ZBTB20: variants seen among roughly 807,000 people sequenced by gnomAD.
ZBTB20 encodes the protein zinc finger and BTB domain-containing protein 20.
Under a neutral mutation model 56.9 loss-of-function variants are expected in ZBTB20, and 9 were observed. The ratio of observed to expected loss-of-function variants is 0.16; its 90% CI spans 0.10 to 0.28. The LOEUF (loss-of-function observed/expected upper bound fraction) is 0.28. Among genes scored for constraint, ZBTB20 ranks in the 10% least tolerant of loss-of-function variants. The probability of loss-of-function intolerance (pLI) is 1.00; values close to 1 mark genes in which losing one functional copy is unlikely to be tolerated. For missense variants in ZBTB20, 655 were observed against 1,003.0 expected, an observed-to-expected ratio of 0.65 and a Z score of 4.69; for synonymous variants, 417 against 420.7, an observed-to-expected ratio of 0.99 and a Z score of 0.11.
chr3:114,456,305 T>C (rs929450307), intron 7 of ZBTB20, among the ~76,000 whole-genome samples: 1 of 152,022 alleles, frequency 6.6e-6, no homozygotes, highest in East Asian at 1.9e-4. Context: ...AATATAATAT[T>C]GTAGAGGCCT....
At chr3:114,891,699 A>G (rs551809913) in intron 4 of ZBTB20, among the ~76,000 whole-genome samples, 19 of 152,372 alleles carry the variant, frequency 1.2e-4, no homozygotes, top group Non-Finnish European at 2.8e-4. Context: ...TACCTGCCAA[A>G]TAATAAAATG....
chr3:115,118,703 A>ATTTTTTTTT lies in ZBTB20; in HGVS notation c.-703+28507_-703+28515dup, dbSNP rs35607205. 5.0e-3 allele frequency among the ~76,000 whole-genome samples: 407 copies of ATTTTTTTTT among 82,218 alleles called. 23 individuals carry two copies. The highest frequency in any genetic ancestry group is 8.0e-3 in the Admixed American group (47 of 5,852). The allele number at this position is 82,218 out of a possible 152,430, so 53.9% of individuals were successfully genotyped here. On this transcript the variant is annotated intron_variant, in intron 1 of 11. Coordinates refer to ENST00000675478, the MANE Select transcript of ZBTB20 (RefSeq NM_001348800.3). Reference sequence around the variant, plus strand: ...GGACCTAAAACTTTACCTGGTACAAATTTTTTTTTTTTTTTTTTTTTTTTT... The same window carrying ATTTTTTTTT: ...GGACCTAAAACTTTACCTGGTACAAATTTTTTTTTTTTTTTTTTTTTTTTTTTTTTTTTT...
intron 6 of ZBTB20, among the ~76,000 whole-genome samples, chr3:114,527,852 C>G (rs889647332): frequency 1.3e-5 from 2 of 151,976 alleles, no homozygotes; most frequent in Admixed American, 6.6e-5. Flanking sequence ...AAATTTAGAA[C>G]AAATTATTTG....
Position 114,942,996 on chromosome 3 carries a change from T to C in ZBTB20, c.-456+31370A>G, listed in dbSNP as rs574167996. 6.7e-4 allele frequency among the ~76,000 whole-genome samples: 97 copies of C among 145,286 alleles called. 3 individuals carry two copies. The highest frequency in any genetic ancestry group is 6.0e-3 in the South Asian group (28 of 4,668). On this transcript the variant is annotated intron_variant, in intron 3 of 11. Transcript: ENST00000675478. ...ACCCCTAAAACATTTCCAGTTCCTC[T>C]TTCTTGGAGTGAGAAAATCAAAAGA...
chr3:114,346,003 T>C (rs1238281995), intron 11 of ZBTB20, among the ~76,000 whole-genome samples: 1 of 152,230 alleles, frequency 6.6e-6, no homozygotes, highest in East Asian at 1.9e-4. Flanking sequence ...CCCTTAACTC[T>C]TAGTTTCCTT....
chr3:114,806,287 G>A (rs914517958), intron 4 of ZBTB20, among the ~76,000 whole-genome samples: 4 of 151,776 alleles, frequency 2.6e-5, no homozygotes, highest in East Asian at 3.9e-4. Flanking sequence ...CCATTCTAGC[G>A]GGTGTGAAGT....
intron 2 of ZBTB20, among the ~76,000 whole-genome samples, chr3:115,052,008 C>A (rs1266761456): frequency 6.6e-6 from 1 of 151,970 alleles, no homozygotes; most frequent in Non-Finnish European, 1.5e-5. Flanking sequence ...GAAATTTGCA[C>A]CCATGATCTG....
chr3:114,461,287 ACAATCTCCT>A (rs1484819727), intron 7 of ZBTB20, among the ~76,000 whole-genome samples: 4 of 148,848 alleles, frequency 2.7e-5, no homozygotes, highest in African/African-American at 9.9e-5. Flanking sequence ...AACAAACAAA[ACAATCTCCT>A]CCCCCCCCCC....
intron 1 of ZBTB20, among the ~76,000 whole-genome samples, chr3:115,137,598 A>T (rs566657035): frequency 2.0e-5 from 3 of 152,186 alleles, no homozygotes; most frequent in African/African-American, 7.2e-5. Context: ...AAAAGTCTAG[A>T]CTGTATTCCA....
At chr3:114,479,065 TTGG>T (rs1211552142) in intron 7 of ZBTB20, among the ~76,000 whole-genome samples, 1 of 139,782 alleles carries the variant, frequency 7.2e-6, no homozygotes, top group Non-Finnish European at 1.5e-5. Context: ...TGTTCCTCTA[TTGG>T]GGGGGGGCCA....
chr3:114,553,510 A>G (rs576264532), intron 6 of ZBTB20, among the ~76,000 whole-genome samples: 2 of 152,222 alleles, frequency 1.3e-5, no homozygotes, highest in East Asian at 3.9e-4. Flanking sequence ...TTCTGATGCT[A>G]TAGAGATGAA....
intron 5 of ZBTB20, among the ~76,000 whole-genome samples, chr3:114,787,368 T>TATATATACACAAAC: frequency 9.4e-6 from 1 of 106,314 alleles, no homozygotes; most frequent in African/African-American, 4.5e-5. Flanking sequence ...TATATATATA[T>TATATATACACAAAC]ACACACACAC....
chr3:115,012,814 G>A (rs535043538), intron 2 of ZBTB20, among the ~76,000 whole-genome samples: 4 of 151,508 alleles, frequency 2.6e-5, no homozygotes, highest in Admixed American at 6.6e-5. Flanking sequence ...ACCATACGTC[G>A]GGTCACAAAA....
rs140665272 is a variant in ZBTB20 at position 114,957,569 on chromosome 3, T to C, written c.-456+16797A>G. ...ACAGCATTTCTCTACAGAAACACTA[T>C]TGGCTTTGTGACTGGGCAAATCTCT... On this transcript the variant is annotated intron_variant, in intron 3 of 11. Transcript: ENST00000675478. Among the ~76,000 whole-genome samples, 31 of 152,344 alleles carry C rather than the reference T, an allele frequency of 2.0e-4. No individual in the cohort carries two copies. The East Asian group carries it at 5.8e-3, about 28-fold the overall frequency.
At chr3:114,544,694 G>A (rs1488760846) in intron 6 of ZBTB20, among the ~76,000 whole-genome samples, 2 of 151,676 alleles carry the variant, frequency 1.3e-5, no homozygotes, top group Admixed American at 6.6e-5. Context: ...TTGTAGAGAT[G>A]GGGTTTTGCC....
At position 114,742,325 on chromosome 3, in the gene ZBTB20, A is replaced by C. The variant is rs895395793; in HGVS notation, c.-342-48750T>G. Among the ~76,000 whole-genome samples, 9 of 152,170 alleles carry C rather than the reference A, an allele frequency of 5.9e-5. 1 individual carries two copies. The highest frequency in any genetic ancestry group is 2.2e-4 in the African/African-American group (9 of 41,436). The stretch of plus-strand genomic sequence containing the variant: ...TAGGAAGTAAGAACGGCAAAAATGA[A>C]GCCGGGTAGGATACTGTGGATATGG... On this transcript the variant is annotated intron_variant, in intron 5 of 11. Transcript: ENST00000675478.
intron 1 of ZBTB20, among the ~76,000 whole-genome samples, chr3:115,143,839 A>G (rs1235165941): frequency 1.3e-5 from 2 of 152,240 alleles, no homozygotes; most frequent in African/African-American, 2.4e-5. Flanking sequence ...TTTCTTTCCT[A>G]TCACTGCCAA....
intron 6 of ZBTB20, among the ~76,000 whole-genome samples, chr3:114,660,116 T>A (rs1016769801): frequency 4.6e-5 from 7 of 151,996 alleles, no homozygotes; most frequent in Non-Finnish European, 1.0e-4. Context: ...TTTAAGAAAA[T>A]AAAAAATAAA....
intron 5 of ZBTB20, among the ~76,000 whole-genome samples, chr3:114,780,718 T>C (rs1042198423): frequency 2.0e-5 from 3 of 152,220 alleles, no homozygotes; most frequent in African/African-American, 7.2e-5. Flanking sequence ...GATCTCTTGA[T>C]CTCATGATCA....
Sources: allele counts gnomAD v4.1 joint callset (sites outside exome capture counted in the v4.1 genomes callset), GRCh38; gene constraint gnomAD v4.1.1; transcripts MANE v1.5; gene names NCBI Gene and HGNC (gene_info 2026-07-23, HGNC 2026-07-21).